The following ABTB3 variants were observed in gnomAD, a reference collection of about 807,000 sequenced individuals.
ABTB3 encodes the protein ankyrin repeat- and BTB/POZ domain-containing protein 3.
At chr12:107,389,882 G>A in the ABTB3 span, among the ~76,000 whole-genome samples, 1 of 131,532 alleles carries the variant, frequency 7.6e-6, no homozygotes, top group Non-Finnish European at 1.7e-5. Flanking sequence ...GTGTGTGTGT[G>A]TATGTATCTG....
chr12:107,540,770 G>A, the ABTB3 span, among the ~76,000 whole-genome samples: 1 of 151,982 alleles, frequency 6.6e-6, no homozygotes, highest in Non-Finnish European at 1.5e-5. Flanking sequence ...GATCACTTGA[G>A]GCCAGAAGTT....
At chr12:107,462,659 ATGG>A in the ABTB3 span, among the ~76,000 whole-genome samples, 1 of 151,602 alleles carries the variant, frequency 6.6e-6, no homozygotes. Flanking sequence ...TGAAGTGATG[ATGG>A]TGGTGATAGT....
At chr12:107,324,217 T>G in the ABTB3 span, among the ~76,000 whole-genome samples, 81,879 of 151,576 alleles carry the variant, frequency 0.54, 22,430 homozygotes, top group East Asian at 0.72. Flanking sequence ...CATTCCCACA[T>G]GCTTAGGGTG....
At chr12:107,323,619 AG>A in the ABTB3 span, among the ~76,000 whole-genome samples, 1 of 152,142 alleles carries the variant, frequency 6.6e-6, no homozygotes, top group African/African-American at 2.4e-5. Flanking sequence ...CTAAATAAGG[AG>A]GGGGCAGAAG....
At chr12:107,481,181 A>G in the ABTB3 span, among the ~76,000 whole-genome samples, 1 of 152,182 alleles carries the variant, frequency 6.6e-6, no homozygotes, top group Non-Finnish European at 1.5e-5. Context: ...GCTTTGGAGG[A>G]AAAAGAAGTC....
the ABTB3 span, among the ~76,000 whole-genome samples, chr12:107,626,343 CT>C: frequency 4.4e-3 from 493 of 112,484 alleles, 2 homozygotes; most frequent in African/African-American, 0.015. Flanking sequence ...CTATCGTCAT[CT>C]TTTTTTTTTT....
the ABTB3 span, among the ~76,000 whole-genome samples, chr12:107,399,647 G>T: frequency 1.3e-5 from 2 of 152,072 alleles, no homozygotes; most frequent in South Asian, 4.1e-4. Context: ...TCCAGCACTG[G>T]CCCACATGCT....
At chr12:107,504,805 ATGTT>A in the ABTB3 span, among the ~76,000 whole-genome samples, 13 of 152,226 alleles carry the variant, frequency 8.5e-5, no homozygotes, top group Admixed American at 2.6e-4. Context: ...ACAAATGTGA[ATGTT>A]TGTCCTTGGC....
At chr12:107,512,039 A>G in the ABTB3 span, among the ~76,000 whole-genome samples, 1 of 152,166 alleles carries the variant, frequency 6.6e-6, no homozygotes, top group East Asian at 1.9e-4. Flanking sequence ...TCAAGCCCAG[A>G]GGTTTTCGCT....
the ABTB3 span, among the ~76,000 whole-genome samples, chr12:107,420,958 C>A: frequency 6.6e-6 from 1 of 152,192 alleles, no homozygotes; most frequent in Non-Finnish European, 1.5e-5. Context: ...TCAGCTGACA[C>A]AAGCCTTGGT....
the ABTB3 span, among the ~76,000 whole-genome samples, chr12:107,604,562 T>C: frequency 6.6e-6 from 1 of 152,166 alleles, no homozygotes; most frequent in South Asian, 2.1e-4. Flanking sequence ...AAAACTACAA[T>C]GAGATATCGC....
At chr12:107,318,895 C>G in the ABTB3 span, 9 of 1,533,938 alleles carry the variant, frequency 5.9e-6, no homozygotes, top group South Asian at 1.0e-4. Flanking sequence ...CCTCGCCGCT[C>G]CTTCCCTTTG....
the ABTB3 span, among the ~76,000 whole-genome samples, chr12:107,369,450 G>A: frequency 5.3e-5 from 8 of 149,958 alleles, no homozygotes; most frequent in Non-Finnish European, 1.0e-4. Context: ...CCCGGCTGGA[G>A]TGAATGGTGT....
the ABTB3 span, chr12:107,520,609 A>C: frequency 6.2e-7 from 1 of 1,614,140 alleles, no homozygotes; most frequent in South Asian, 1.1e-5. Flanking sequence ...TTTGCTGGCC[A>C]CGCGCGTAGG....
the ABTB3 span, among the ~76,000 whole-genome samples, chr12:107,530,248 G>A: frequency 6.6e-6 from 1 of 152,190 alleles, no homozygotes; most frequent in Admixed American, 6.5e-5. Flanking sequence ...GAGTGGAGTA[G>A]GGGCTCCAAA....
the ABTB3 span, among the ~76,000 whole-genome samples, chr12:107,555,136 C>T: frequency 6.6e-6 from 1 of 152,188 alleles, no homozygotes; most frequent in Non-Finnish European, 1.5e-5. Context: ...TAATGATCAT[C>T]CTTAGCCTAA....
chr12:107,440,719 A>G, the ABTB3 span, among the ~76,000 whole-genome samples: 1 of 152,168 alleles, frequency 6.6e-6, no homozygotes, highest in African/African-American at 2.4e-5. Context: ...CTGGGATGGA[A>G]GAAGGAAAGA....
At chr12:107,362,988 C>G in the ABTB3 span, among the ~76,000 whole-genome samples, 2 of 152,272 alleles carry the variant, frequency 1.3e-5, no homozygotes, top group Admixed American at 1.3e-4. Flanking sequence ...GGATTTGAAT[C>G]CCGGCAGCCT....
At chr12:107,581,302 C>G in the ABTB3 span, 1 of 1,387,976 alleles carries the variant, frequency 7.2e-7, no homozygotes, top group Non-Finnish European at 9.2e-7. Context: ...CGCGCCAGCT[C>G]AGGTAGGCGC....
Sources: gnomAD v4.1 joint callset for allele counts (sites outside exome capture counted in the v4.1 genomes callset) on GRCh38, gnomAD v4.1.1 for gene constraint, MANE v1.5 for transcripts, NCBI Gene and HGNC (gene_info 2026-07-23, HGNC 2026-07-21) for gene names.